The following KCNN2 variants were observed in gnomAD, a reference collection of about 807,000 sequenced individuals.
The protein encoded by KCNN2 is small conductance calcium-activated potassium channel protein 2.
Under a neutral mutation model 55.5 loss-of-function variants are expected in KCNN2, and 24 were observed. The ratio of observed to expected loss-of-function variants is 0.43; its 90% CI spans 0.31 to 0.61. The LOEUF (loss-of-function observed/expected upper bound fraction) is 0.61, where lower values mean the gene tolerates loss of function less well. Ranked by LOEUF, KCNN2 falls within the 20% of genes least tolerant of loss-of-function variation. The pLI, the probability that KCNN2 is intolerant of heterozygous loss-of-function variation, is 0.08. For synonymous variants in KCNN2, 431 were observed against 336.1 expected, an observed-to-expected ratio of 1.28 and a Z score of -3.09; for missense variants, 754 against 853.6, an observed-to-expected ratio of 0.88 and a Z score of 1.45.
At chr5:114,386,476 G>T (rs887744145) in intron 2 of KCNN2, among the ~76,000 whole-genome samples, 1 of 152,160 alleles carries the variant, frequency 6.6e-6, no homozygotes, top group Admixed American at 6.5e-5. Context: ...CCCAAAATTT[G>T]TTATGTAGAA....
intron 2 of KCNN2, among the ~76,000 whole-genome samples, chr5:114,291,524 AT>A (rs1277442908): frequency 1.3e-5 from 2 of 151,506 alleles, no homozygotes; most frequent in African/African-American, 4.9e-5. Flanking sequence ...TGAACTTGTC[AT>A]TTTTTATGGC....
chr5:114,391,763 C>T (rs1003603675), intron 2 of KCNN2, among the ~76,000 whole-genome samples: 1 of 152,142 alleles, frequency 6.6e-6, no homozygotes, highest in Non-Finnish European at 1.5e-5. Flanking sequence ...TAAATGCAGG[C>T]ATACTTTCAG....
chr5:114,104,897 T>C (rs1305967493), intron 1 of KCNN2, among the ~76,000 whole-genome samples: 2 of 151,826 alleles, frequency 1.3e-5, no homozygotes, highest in African/African-American at 4.8e-5. Context: ...AGAGAGAGGA[T>C]TGTGCTCAGG....
chr5:114,089,104 G>A (rs1350482400), intron 1 of KCNN2, among the ~76,000 whole-genome samples: 2 of 151,880 alleles, frequency 1.3e-5, no homozygotes, highest in Non-Finnish European at 2.9e-5. Flanking sequence ...AGTTATCAGT[G>A]TAGTTTTCAG....
intron 2 of KCNN2, among the ~76,000 whole-genome samples, chr5:114,374,670 C>T (rs1024772857): frequency 2.0e-5 from 3 of 152,034 alleles, no homozygotes; most frequent in South Asian, 2.1e-4. Flanking sequence ...ACATTCTGTC[C>T]GTCCTTTGTT....
intron 1 of KCNN2, among the ~76,000 whole-genome samples, chr5:114,151,286 C>G (rs2112517946): frequency 6.6e-6 from 1 of 152,198 alleles, no homozygotes; most frequent in East Asian, 1.9e-4. Context: ...ATTTTTGAAA[C>G]TATTAATAAG....
chr5:114,235,484 C>G (rs1412745944), intron 2 of KCNN2, among the ~76,000 whole-genome samples: 1 of 152,118 alleles, frequency 6.6e-6, no homozygotes, highest in Non-Finnish European at 1.5e-5. Flanking sequence ...TAAATGAACA[C>G]TGATTCATAA....
intron 2 of KCNN2, among the ~76,000 whole-genome samples, chr5:114,248,152 T>C (rs1754783331): frequency 6.6e-6 from 1 of 152,192 alleles, no homozygotes; most frequent in Admixed American, 6.5e-5. Context: ...GCTCCTTGTT[T>C]CCCCCAGATT....
At chr5:114,098,862 G>A (rs1271420018) in intron 1 of KCNN2, among the ~76,000 whole-genome samples, 1 of 152,066 alleles carries the variant, frequency 6.6e-6, no homozygotes, top group Non-Finnish European at 1.5e-5. Context: ...AGTTTCCACA[G>A]GGGTGAATCT....
chr5:114,479,100 T>C (rs1288147920), intron 5 of KCNN2, among the ~76,000 whole-genome samples: 2 of 151,852 alleles, frequency 1.3e-5, no homozygotes, highest in East Asian at 1.9e-4. Context: ...AGACACAGAA[T>C]GGCAAGCTGG....
chr5:114,478,862 A>C (rs1469183494), intron 5 of KCNN2, among the ~76,000 whole-genome samples: 1 of 152,142 alleles, frequency 6.6e-6, no homozygotes, highest in Non-Finnish European at 1.5e-5. Context: ...GGAATTCATC[A>C]CCACCAGGCC....
At chr5:114,294,540 G>C (rs1755966997) in intron 2 of KCNN2, among the ~76,000 whole-genome samples, 1 of 152,160 alleles carries the variant, frequency 6.6e-6, no homozygotes, top group South Asian at 2.1e-4. Context: ...TAGTTTGATT[G>C]CACTGTGGTC....
chr5:114,220,301 C>A (rs1754105962), intron 1 of KCNN2, among the ~76,000 whole-genome samples: 1 of 151,900 alleles, frequency 6.6e-6, no homozygotes, highest in African/African-American at 2.4e-5. Context: ...TTCAAGATAG[C>A]AATGCTGGAA....
chr5:114,231,546 G>C lies in KCNN2; in HGVS notation c.-185+9981G>C, dbSNP rs541747273. On this transcript the variant is annotated intron_variant, in intron 2 of 10. Coordinates refer to the KCNN2 transcript ENST00000512097. ...TTTTAAAGTTCCTGGGAAAAATTTT[G>C]TTCTTTGATTTTAAGTGTGTTTACA... is the stretch of plus-strand genomic sequence containing the variant. Among the ~76,000 whole-genome samples the C allele has an allele frequency of 1.9e-4, 28 of 151,150 alleles. 1 individual carries two copies. Among genetic ancestry groups the C allele is most frequent in the African/African-American group, 6.7e-4 (27 of 40,528 alleles).
chr5:114,209,737 T>A (rs1313727969), intron 1 of KCNN2, among the ~76,000 whole-genome samples: 1 of 152,212 alleles, frequency 6.6e-6, no homozygotes, highest in Non-Finnish European at 1.5e-5. Context: ...AAAATCTCTG[T>A]TCAGCTTTCT....
upstream of KCNN2, among the ~76,000 whole-genome samples, chr5:114,359,021 A>G (rs1392751094): frequency 6.6e-6 from 1 of 152,214 alleles, no homozygotes; most frequent in Non-Finnish European, 1.5e-5. Context: ...TTTCATCATC[A>G]TAGTAATACA....
chr5:114,359,843 T>G (rs1388789276), upstream of KCNN2, among the ~76,000 whole-genome samples: 1 of 152,240 alleles, frequency 6.6e-6, no homozygotes. Flanking sequence ...GAGTTGAATT[T>G]CTTTTTCAGA....
At chr5:114,238,626 CAA>C (rs36125313) in intron 2 of KCNN2, among the ~76,000 whole-genome samples, 59 of 111,200 alleles carry the variant, frequency 5.3e-4, no homozygotes, top group Admixed American at 7.2e-4. Context: ...ACTCCGTCTC[CAA>C]AAAAAAAAAA....
intron 1 of KCNN2, among the ~76,000 whole-genome samples, chr5:114,131,471 A>G: frequency 6.6e-6 from 1 of 152,108 alleles, no homozygotes; most frequent in East Asian, 1.9e-4. Flanking sequence ...GTTCTTTTTT[A>G]TGGCTGCATA....
Sources: gnomAD v4.1 joint callset for allele counts (sites outside exome capture counted in the v4.1 genomes callset) on GRCh38, gnomAD v4.1.1 for gene constraint, MANE v1.5 for transcripts, NCBI Gene and HGNC (gene_info 2026-07-23, HGNC 2026-07-21) for gene names.